Variants in TRAPPC9 observed in about 807,000 individuals in gnomAD.
TRAPPC9 encodes trafficking protein particle complex subunit 9.
In TRAPPC9, 83 loss-of-function variants were observed where a neutral mutation model predicts 124.0. That is an observed-to-expected ratio of 0.67 (90% CI 0.56 to 0.80). The LOEUF (loss-of-function observed/expected upper bound fraction) is 0.80. TRAPPC9 is among the 30% of genes least tolerant of loss of function. The probability of loss-of-function intolerance (pLI) is 0.00; values close to 1 mark genes in which losing one functional copy is unlikely to be tolerated. For synonymous variants in TRAPPC9, 638 were observed against 617.5 expected, an observed-to-expected ratio of 1.03 and a Z score of -0.49; for missense variants, 1,302 against 1,508.3, an observed-to-expected ratio of 0.86 and a Z score of 2.27.
intron 20 of TRAPPC9, among the ~76,000 whole-genome samples, chr8:139,886,749 G>A (rs1337771358): frequency 6.6e-6 from 1 of 152,200 alleles, no homozygotes; most frequent in Non-Finnish European, 1.5e-5. Flanking sequence ...TTCATCTGAA[G>A]CACACCATGC....
At chr8:139,765,499 A>T (rs1260427119) in intron 21 of TRAPPC9, among the ~76,000 whole-genome samples, 2 of 152,200 alleles carry the variant, frequency 1.3e-5, no homozygotes, top group Non-Finnish European at 1.5e-5. Context: ...CGTGGGTGGG[A>T]GGAGAGATGA....
At chr8:140,291,407 C>CA (rs1241132504) in intron 11 of TRAPPC9, among the ~76,000 whole-genome samples, 2 of 152,228 alleles carry the variant, frequency 1.3e-5, no homozygotes, top group Non-Finnish European at 2.9e-5. Flanking sequence ...CAGAAGCTGG[C>CA]AACACAGGAA....
chr8:140,278,945 C>A (rs942674475), intron 14 of TRAPPC9, among the ~76,000 whole-genome samples: 1 of 152,238 alleles, frequency 6.6e-6, no homozygotes, highest in Non-Finnish European at 1.5e-5. Flanking sequence ...GAAGGCCTGC[C>A]TCTTCTGGAC....
chr8:139,795,729 T>A (rs542748558), intron 21 of TRAPPC9, among the ~76,000 whole-genome samples: 1 of 152,154 alleles, frequency 6.6e-6, no homozygotes, highest in African/African-American at 2.4e-5. Flanking sequence ...AACAATCTGA[T>A]GTCATGATGC....
intron 17 of TRAPPC9, among the ~76,000 whole-genome samples, chr8:140,041,626 C>T (rs1174806745): frequency 6.6e-6 from 1 of 152,216 alleles, no homozygotes; most frequent in Non-Finnish European, 1.5e-5. Flanking sequence ...TGCTCGCCCT[C>T]ATGGCGGTCA....
chr8:140,420,119 A>C (rs1223256227), intron 5 of TRAPPC9, among the ~76,000 whole-genome samples: 1 of 152,202 alleles, frequency 6.6e-6, no homozygotes, highest in East Asian at 1.9e-4. Context: ...AAAAAGAATA[A>C]AATACTTTTT....
chr8:140,300,331 A>G, intron 11 of TRAPPC9, 138 bp downstream of exon 11: 3 of 1,071,026 alleles, frequency 2.8e-6, no homozygotes, highest in Non-Finnish European at 2.8e-6. Context: ...ATACACACAT[A>G]TGCATGCGTG....
chr8:140,384,984 G>A (rs1030803177), intron 7 of TRAPPC9, among the ~76,000 whole-genome samples: 3 of 152,214 alleles, frequency 2.0e-5, no homozygotes, highest in African/African-American at 7.2e-5. Flanking sequence ...AGACCACAGT[G>A]CAATCAAACT....
At chr8:140,126,982 G>GA (rs1371684152) in intron 17 of TRAPPC9, among the ~76,000 whole-genome samples, 1 of 152,234 alleles carries the variant, frequency 6.6e-6, no homozygotes, top group Non-Finnish European at 1.5e-5. Context: ...ACGAGGCAGA[G>GA]AAGAGCTGGG....
chr8:140,346,304 C>T (rs2067347231), intron 9 of TRAPPC9, among the ~76,000 whole-genome samples: 1 of 152,208 alleles, frequency 6.6e-6, no homozygotes, highest in African/African-American at 2.4e-5. Flanking sequence ...CTGCGTGCCC[C>T]TCACACTGCT....
In TRAPPC9 at chr8:139,730,947, G is replaced by T; in HGVS notation, c.*114C>A. 8.3e-7 allele frequency: 1 copy of T among 1,203,292 alleles called. No homozygotes were observed. The highest frequency in any genetic ancestry group is 1.2e-6 in the Non-Finnish European group (1 of 856,830). 74.5% of individuals were successfully genotyped at this position (1,203,292 alleles called of 1,614,324 possible). A position where few individuals can be genotyped will look rare whatever the true frequency, so the allele number is the denominator to read the frequency against. On this transcript the variant is annotated 3_prime_UTR_variant, in exon 23 of 23. Coordinates refer to ENST00000438773, the MANE Select transcript of TRAPPC9 (RefSeq NM_001160372.4). Reference sequence around the variant, plus strand: ...AGGAGGAGAGGGCTGGGAGGGGTCTGGGGGAGGAGGAGGAGATGGGGCTGC... The same window carrying T: ...AGGAGGAGAGGGCTGGGAGGGGTCTTGGGGAGGAGGAGGAGATGGGGCTGC...
chr8:140,365,781 C>T (rs564442821), intron 8 of TRAPPC9, among the ~76,000 whole-genome samples: 1 of 152,324 alleles, frequency 6.6e-6, no homozygotes, highest in South Asian at 2.1e-4. Context: ...TTTATTTCAA[C>T]TTTTACTTTA....
intron 17 of TRAPPC9, among the ~76,000 whole-genome samples, chr8:140,166,263 A>G (rs1377442665): frequency 6.6e-6 from 1 of 152,188 alleles, no homozygotes; most frequent in Non-Finnish European, 1.5e-5. Context: ...TCACACCAAT[A>G]TCCAGATGTG....
intron 19 of TRAPPC9, among the ~76,000 whole-genome samples, chr8:139,957,918 T>G (rs948298556): frequency 1.3e-5 from 2 of 152,206 alleles, no homozygotes; most frequent in African/African-American, 4.8e-5. Context: ...TGTTCCCAAA[T>G]GTATCAGAGG....
At chr8:139,866,986 C>G (rs748881701) in intron 21 of TRAPPC9, among the ~76,000 whole-genome samples, 36 of 152,144 alleles carry the variant, frequency 2.4e-4, no homozygotes, top group Non-Finnish European at 4.7e-4. Flanking sequence ...AAGCACCCAC[C>G]ACCACAGCTG....
intron 17 of TRAPPC9, among the ~76,000 whole-genome samples, chr8:140,197,487 C>T (rs1391693856): frequency 6.6e-6 from 1 of 152,150 alleles, no homozygotes; most frequent in African/African-American, 2.4e-5. Context: ...GAATTCGAAC[C>T]CCGGGGTGTT....
chr8:139,834,584 A>G (rs1370003877), intron 21 of TRAPPC9, among the ~76,000 whole-genome samples: 1 of 152,222 alleles, frequency 6.6e-6, no homozygotes, highest in African/African-American at 2.4e-5. Flanking sequence ...AGTCCTCAGG[A>G]CCAGTGCACT....
intron 21 of TRAPPC9, among the ~76,000 whole-genome samples, chr8:139,832,628 A>G (rs1042557516): frequency 1.4e-4 from 21 of 152,152 alleles, no homozygotes; most frequent in African/African-American, 5.1e-4. Flanking sequence ...AAAGGTAAAT[A>G]AAGGTCCGCC....
intron 21 of TRAPPC9, among the ~76,000 whole-genome samples, chr8:139,756,804 C>G (rs1159512890): frequency 1.6e-5 from 2 of 125,318 alleles, no homozygotes; most frequent in African/African-American, 6.3e-5. Flanking sequence ...GACAGCATGT[C>G]GCAGGAGGAG....
Sources: allele counts gnomAD v4.1 joint callset (sites outside exome capture counted in the v4.1 genomes callset), GRCh38; gene constraint gnomAD v4.1.1; transcripts MANE v1.5; gene names NCBI Gene and HGNC (gene_info 2026-07-23, HGNC 2026-07-21).